PCDHGA4: variants seen among roughly 807,000 people sequenced by gnomAD.
PCDHGA4 encodes the protein protocadherin gamma-A4.
Under a neutral mutation model 54.6 loss-of-function variants are expected in PCDHGA4, and 38 were observed. That is an observed-to-expected ratio of 0.70 (90% confidence interval 0.54 to 0.91). PCDHGA4 has a LOEUF of 0.91. Ranked by LOEUF, PCDHGA4 falls within the 40% of genes least tolerant of loss-of-function variation. PCDHGA4 has a pLI of 0.00. For synonymous variants in PCDHGA4, 511 were observed against 512.9 expected, an observed-to-expected ratio of 1.00 and a Z score of 0.05; for missense variants, 1,298 against 1,220.9, an observed-to-expected ratio of 1.06 and a Z score of -0.94.
intron 1 of PCDHGA4, chr5:141,418,046 G>A (rs757311166): frequency 1.9e-6 from 3 of 1,613,888 alleles, no homozygotes; most frequent in Admixed American, 3.3e-5. Flanking sequence ...GGATGTGTCG[G>A]CTCGCGAGCT....
Position 141,441,798 on chromosome 5 carries a change from CGGGT to C in PCDHGA4, c.2515-53007_2515-53004del, listed in dbSNP as rs1242635625. 6.4e-4 allele frequency: 248 copies of C among 387,326 alleles called. 2 individuals are homozygous for C. The highest frequency in any genetic ancestry group is 4.8e-3 in the African/African-American group (220 of 46,120). 24.0% of individuals were successfully genotyped at this position (387,326 alleles called of 1,614,324 possible). A position where few individuals can be genotyped will look rare whatever the true frequency, so the allele number is the denominator to read the frequency against. ...GGACGACCTGAATGACAACGCACCG[CGGGT>C]GCTGTACCCCAGCTCTGGAGCGCAA... On this transcript the variant is annotated intron_variant, in intron 1 of 3. Transcript: ENST00000571252.
intron 1 of PCDHGA4, chr5:141,394,449 A>G (rs773696678): frequency 2.5e-6 from 4 of 1,614,112 alleles, no homozygotes; most frequent in Admixed American, 1.7e-5. Context: ...CAGCAGCAAC[A>G]TGTCACTGAG....
At chr5:141,495,452 C>T (rs543717781) in intron 2 of PCDHGA4, among the ~76,000 whole-genome samples, 1 of 152,356 alleles carries the variant, frequency 6.6e-6, no homozygotes, top group Non-Finnish European at 1.5e-5. Context: ...TTGTCCTGCT[C>T]TCTGTCTGTG....
rs558513172 is a variant in PCDHGA4 at position 141,424,015 on chromosome 5, A to T, written c.2514+66394A>T. The T allele has an allele frequency of 3.0e-5, 32 of 1,060,896 alleles. No individual in the cohort carries two copies. The Admixed American group carries it at 3.2e-4, about 11-fold the overall frequency. The allele number at this position is 1,060,896 out of a possible 1,614,324, so 65.7% of individuals were successfully genotyped here. A position where few individuals can be genotyped will look rare whatever the true frequency, so the allele number is the denominator to read the frequency against. ...TATTATATATAGATACAAATTAATGATTCACAAACACTTTTTATTTCCATT... is the reference window on the plus strand; with the variant it reads ...TATTATATATAGATACAAATTAATGTTTCACAAACACTTTTTATTTCCATT... On this transcript the variant is annotated intron_variant, in intron 1 of 3. Transcript: ENST00000571252.
chr5:141,399,036 G>A, intron 1 of PCDHGA4: 1 of 1,613,800 alleles, frequency 6.2e-7, no homozygotes, highest in African/African-American at 1.3e-5. Context: ...AAAAGAAACT[G>A]GATTTTGAAG....
chr5:141,406,183 C>T (rs1048428263), intron 1 of PCDHGA4, among the ~76,000 whole-genome samples: 5 of 151,756 alleles, frequency 3.3e-5, no homozygotes, highest in Admixed American at 6.6e-5. Flanking sequence ...TGCAATCCTC[C>T]CACCTCAGCC....
Position 141,486,282 on chromosome 5 carries a change from C to G in PCDHGA4, c.2515-8525C>G. On this transcript the variant is annotated intron_variant, in intron 1 of 3. Transcript: ENST00000571252. This position sits in a 1 kb window ranked among gnomAD's most constrained non-coding sequence, Gnocchi z 5.0. ...AGTGCAGAACCTGGCACTGTGGTGG[C>G]ACTTATCAGTGTGCAGGATCCAGAC... The G allele has an allele frequency of 1.2e-6, 2 of 1,614,052 alleles. No homozygotes were observed. The highest frequency in any genetic ancestry group is 1.7e-6 in the Non-Finnish European group (2 of 1,179,992).
At chr5:141,369,497 C>A (rs1027825158) in intron 1 of PCDHGA4, among the ~76,000 whole-genome samples, 3 of 151,926 alleles carry the variant, frequency 2.0e-5, no homozygotes, top group Non-Finnish European at 4.4e-5. Context: ...TGAAACCCCA[C>A]CTCTATAGAA....
intron 1 of PCDHGA4, chr5:141,365,046 C>G (rs753242901): frequency 6.2e-7 from 1 of 1,613,884 alleles, no homozygotes; most frequent in South Asian, 1.1e-5. Flanking sequence ...AACGACAATG[C>G]GCCCCTGTTC....
At chr5:141,433,699 T>C (rs2097645911) in intron 1 of PCDHGA4, among the ~76,000 whole-genome samples, 1 of 152,082 alleles carries the variant, frequency 6.6e-6, no homozygotes, top group Non-Finnish European at 1.5e-5. Flanking sequence ...TAGCCGGGCG[T>C]GGTGGTGCAT....
At chr5:141,473,168 A>G (rs1026233643) in intron 1 of PCDHGA4, among the ~76,000 whole-genome samples, 2 of 152,218 alleles carry the variant, frequency 1.3e-5, no homozygotes, top group Admixed American at 1.3e-4. Context: ...AGGAAGGCCC[A>G]CTGGTAACTT....
In PCDHGA4 at chr5:141,399,908, C is replaced by T. The variant is rs141997055; in HGVS notation, c.2514+42287C>T. 17,269 of 1,612,412 alleles carry T rather than the reference C, an allele frequency of 0.011. 105 individuals are homozygous for T. Among genetic ancestry groups the T allele is most frequent in the Non-Finnish European group, 0.012 (14,309 of 1,179,754 alleles). On this transcript the variant is annotated intron_variant, in intron 1 of 3. Transcript: ENST00000571252. ...AAGGTAGTGGCCGTGGACGCAGACT[C>T]AGGACACAACGCCTGGCTGTCCTAC... is the stretch of plus-strand genomic sequence containing the variant.
At chr5:141,416,870 A>G (rs1315073474) in intron 1 of PCDHGA4, 4 of 152,154 alleles carry the variant, frequency 2.6e-5, no homozygotes, top group Non-Finnish European at 5.9e-5. Flanking sequence ...GTCAGTCAAC[A>G]TTTGTTGAAT....
chr5:141,409,481 A>G (rs1589715212), intron 1 of PCDHGA4: 1 of 1,613,968 alleles, frequency 6.2e-7, no homozygotes, highest in Non-Finnish European at 8.5e-7. Context: ...AGCCACTGAC[A>G]GGGGCAAGCC....
In PCDHGA4 at chr5:141,419,984, C is replaced by A. The variant is rs918632592; in HGVS notation, c.2514+62363C>A. ...TGTGCTCTTTCTCCTCGCGGTGATT[C>A]TAGCTATTGCTCTACGCCTGCGACA... On this transcript the variant is annotated intron_variant, in intron 1 of 3. Transcript: ENST00000571252. 27 of 1,613,962 alleles carry A rather than the reference C, an allele frequency of 1.7e-5. No individual in the cohort carries two copies. The highest frequency in any genetic ancestry group is 2.2e-5 in the Non-Finnish European group (26 of 1,179,912).
At chr5:141,461,291 C>A (rs892436619) in intron 1 of PCDHGA4, among the ~76,000 whole-genome samples, 1 of 152,128 alleles carries the variant, frequency 6.6e-6, no homozygotes, top group African/African-American at 2.4e-5. Flanking sequence ...CACATCCACA[C>A]CAACATCTAT....
Position 141,447,048 on chromosome 5 carries a change from A to G in PCDHGA4, c.2515-47759A>G, listed in dbSNP as rs149112101. Among the ~76,000 whole-genome samples, 216 of 152,182 alleles carry G rather than the reference A, an allele frequency of 1.4e-3. 1 individual carries two copies. Among genetic ancestry groups the G allele is most frequent in the African/African-American group, 4.8e-3 (198 of 41,512 alleles). On this transcript the variant is annotated intron_variant, in intron 1 of 3. Transcript: ENST00000571252. ...GTTTTTTTTCTGTGTCTGGAATTCT[A>G]TTAAAATGTGTCAGGCTGTTTTAAT...
chr5:141,461,921 T>G (rs2099026403), intron 1 of PCDHGA4, among the ~76,000 whole-genome samples: 1 of 152,222 alleles, frequency 6.6e-6, no homozygotes, highest in Non-Finnish European at 1.5e-5. Flanking sequence ...CCTCCTGGGT[T>G]CCAGCAATTC....
At chr5:141,394,434 C>T in intron 1 of PCDHGA4, 1 of 1,614,248 alleles carries the variant, frequency 6.2e-7, no homozygotes, top group South Asian at 1.1e-5. Context: ...CGGGGACCCG[C>T]CCCTCAGCAG....
Sources: allele counts gnomAD v4.1 joint callset (sites outside exome capture counted in the v4.1 genomes callset), GRCh38; gene constraint gnomAD v4.1.1; non-coding constraint Gnocchi (gnomAD v3.1); transcripts MANE v1.5; gene names NCBI Gene and HGNC (gene_info 2026-07-23, HGNC 2026-07-21).